Variants in CACNA2D3 observed in about 807,000 individuals in gnomAD.
CACNA2D3 encodes the protein calcium voltage-gated channel auxiliary subunit alpha2delta 3.
Under a neutral mutation model 160.6 loss-of-function variants are expected in CACNA2D3, and 60 were observed. That is an observed-to-expected ratio of 0.37 (90% CI 0.30 to 0.46). CACNA2D3 has a LOEUF of 0.46. CACNA2D3 is among the 20% of genes least tolerant of loss of function. The pLI is 1.00. For synonymous variants in CACNA2D3, 558 were observed against 492.9 expected, an observed-to-expected ratio of 1.13 and a Z score of -1.75; for missense variants, 1,205 against 1,365.0, an observed-to-expected ratio of 0.88 and a Z score of 1.85.
chr3:54,145,348 A>G (rs1314250118), intron 2 of CACNA2D3, among the ~76,000 whole-genome samples: 1 of 152,190 alleles, frequency 6.6e-6, no homozygotes, highest in Non-Finnish European at 1.5e-5. Flanking sequence ...TGATAATGAA[A>G]GTACCCTGGA....
rs547759557 is a variant in CACNA2D3 at position 55,038,829 on chromosome 3, G to A, written c.2987+20512G>A. 3.8e-4 allele frequency among the ~76,000 whole-genome samples: 54 copies of A among 140,526 alleles called. No individual in the cohort carries two copies. In the South Asian group the frequency reaches 0.013, roughly 33 times the overall value. The allele number at this position is 140,526 out of a possible 152,430, so 92.2% of individuals were successfully genotyped here. ...TAGTTATAAGATAGTAAATGCCTTG[G>A]AAATAATGCTAAGATAAGTGAAGTA... On this transcript the variant is annotated intron_variant, in intron 35 of 37. Coordinates refer to ENST00000474759, the MANE Select transcript of CACNA2D3 (RefSeq NM_018398.3).
At chr3:54,277,756 A>G (rs1307846723) in intron 2 of CACNA2D3, among the ~76,000 whole-genome samples, 3 of 152,178 alleles carry the variant, frequency 2.0e-5, no homozygotes, top group Admixed American at 6.5e-5. Context: ...TCTTCTGTAC[A>G]TGAGCATGGA....
intron 11 of CACNA2D3, among the ~76,000 whole-genome samples, chr3:54,751,470 A>G (rs1402010446): frequency 1.3e-5 from 2 of 152,088 alleles, no homozygotes; most frequent in African/African-American, 2.4e-5. Context: ...GTTTTTTTTA[A>G]TCTCTTCATG....
At chr3:54,364,709 T>A (rs1389948323) in intron 3 of CACNA2D3, among the ~76,000 whole-genome samples, 3 of 152,214 alleles carry the variant, frequency 2.0e-5, no homozygotes. Flanking sequence ...GTGACTCTCT[T>A]CAGCTGTTTA....
At chr3:54,271,840 A>AT (rs1702628465) in intron 2 of CACNA2D3, among the ~76,000 whole-genome samples, 1 of 152,112 alleles carries the variant, frequency 6.6e-6, no homozygotes, top group African/African-American at 2.4e-5. Context: ...ATCACCTTTG[A>AT]TTTTGTCTCG....
intron 13 of CACNA2D3, among the ~76,000 whole-genome samples, chr3:54,780,885 A>C (rs9868335): frequency 0.041 from 6,314 of 152,224 alleles, 406 homozygotes; most frequent in African/African-American, 0.14. Flanking sequence ...TCTGCTTCTT[A>C]TTTGGCTTTC....
At chr3:54,660,818 C>G (rs1320485619) in intron 11 of CACNA2D3, among the ~76,000 whole-genome samples, 2 of 152,198 alleles carry the variant, frequency 1.3e-5, no homozygotes, top group African/African-American at 2.4e-5. Context: ...CCCTCCCTCC[C>G]AAGATCTCCA....
intron 11 of CACNA2D3, among the ~76,000 whole-genome samples, chr3:54,724,735 A>C (rs1357014747): frequency 6.6e-6 from 1 of 152,220 alleles, no homozygotes; most frequent in African/African-American, 2.4e-5. Context: ...GAATGAAGAC[A>C]CAACATACCA....
At chr3:54,582,066 A>G (rs1559518522) in intron 9 of CACNA2D3, among the ~76,000 whole-genome samples, 189 bp downstream of exon 9, 1 of 152,218 alleles carries the variant, frequency 6.6e-6, no homozygotes, top group Admixed American at 6.5e-5. Context: ...ATTGAATTCA[A>G]AGGCTTGCTA....
chr3:54,939,260 T>C (rs1701400812), intron 27 of CACNA2D3, among the ~76,000 whole-genome samples: 1 of 152,210 alleles, frequency 6.6e-6, no homozygotes, highest in Admixed American at 6.5e-5. Context: ...GGAACTATTA[T>C]CTTCTACATC....
chr3:54,663,171 C>A (rs1242610227), intron 11 of CACNA2D3, among the ~76,000 whole-genome samples: 1 of 152,220 alleles, frequency 6.6e-6, no homozygotes, highest in Non-Finnish European at 1.5e-5. Flanking sequence ...CTGGAAGGAA[C>A]CCTCTCTGTC....
At position 54,176,509 on chromosome 3, in the gene CACNA2D3, C is replaced by T. The variant is rs190922515; in HGVS notation, c.204+52915C>T. Among the ~76,000 whole-genome samples the T allele has an allele frequency of 1.0e-3, 153 of 152,250 alleles. 1 individual carries two copies. Among genetic ancestry groups the T allele is most frequent in the Non-Finnish European group, 4.0e-4 (27 of 68,022 alleles). On this transcript the variant is annotated intron_variant, in intron 2 of 37. Coordinates refer to ENST00000474759, the MANE Select transcript of CACNA2D3 (RefSeq NM_018398.3). ...GTGCATTTTATAATGTTTTAATTCA[C>T]GTGTGCTCCTACTAAAGCTGATACT...
In CACNA2D3 at chr3:54,442,099, G is replaced by C. The variant is rs1041980801; in HGVS notation, c.381+55325G>C. ...GCAAGGACTATAGATGTGTACCACC[G>C]TGTCCAGCTCATACGCTTAAATTGT... is the stretch of plus-strand genomic sequence containing the variant. On this transcript the variant is annotated intron_variant, in intron 4 of 37. Transcript: ENST00000474759. Among the ~76,000 whole-genome samples the C allele has an allele frequency of 9.2e-5, 14 of 152,214 alleles. No individual in the cohort carries two copies. In the South Asian group the frequency reaches 2.9e-3, roughly 32 times the overall value.
chr3:54,283,280 G>A (rs1241725982), intron 2 of CACNA2D3, among the ~76,000 whole-genome samples: 2 of 152,284 alleles, frequency 1.3e-5, no homozygotes, highest in African/African-American at 4.8e-5. Context: ...GGACTGCCCT[G>A]GGGTAAAATC....
chr3:54,315,956 C>T (rs1432291330), intron 2 of CACNA2D3, among the ~76,000 whole-genome samples: 1 of 151,806 alleles, frequency 6.6e-6, no homozygotes, highest in African/African-American at 2.4e-5. Context: ...GTGAAATAGT[C>T]ATTGAAAAAT....
At chr3:54,954,428 A>G (rs985125526) in intron 27 of CACNA2D3, among the ~76,000 whole-genome samples, 1 of 152,236 alleles carries the variant, frequency 6.6e-6, no homozygotes, top group Non-Finnish European at 1.5e-5. Flanking sequence ...TGTGTGGAGC[A>G]GAATACTCCT....
At chr3:54,619,535 C>T (rs1328813131) in intron 9 of CACNA2D3, among the ~76,000 whole-genome samples, 9 of 152,210 alleles carry the variant, frequency 5.9e-5, no homozygotes, top group Admixed American at 5.9e-4. Context: ...CAGCTGCTAC[C>T]TTCAGACACA....
intron 11 of CACNA2D3, among the ~76,000 whole-genome samples, chr3:54,649,599 T>G (rs1699719785): frequency 6.6e-6 from 1 of 152,206 alleles, no homozygotes; most frequent in Non-Finnish European, 1.5e-5. Flanking sequence ...TCTTTTGGGT[T>G]GTAAACTGCT....
intron 9 of CACNA2D3, among the ~76,000 whole-genome samples, chr3:54,617,083 T>C (rs1050851998): frequency 4.6e-5 from 7 of 152,226 alleles, no homozygotes; most frequent in Non-Finnish European, 5.9e-5. Context: ...ATTTTTTCTT[T>C]ATCTGATCTT....
Sources: allele counts gnomAD v4.1 joint callset (sites outside exome capture counted in the v4.1 genomes callset), GRCh38; gene constraint gnomAD v4.1.1; transcripts MANE v1.5; gene names NCBI Gene and HGNC (gene_info 2026-07-23, HGNC 2026-07-21).